Variants in UGT2B17 observed in about 807,000 individuals in gnomAD.
UGT2B17 encodes UDP-glucuronosyltransferase 2B17.
UGT2B17 carries 21 observed loss-of-function variants against 48.2 expected under a neutral mutation model. The ratio of observed to expected loss-of-function variants is 0.44; its 90% confidence interval spans 0.31 to 0.63. The LOEUF (loss-of-function observed/expected upper bound fraction) is 0.63, where lower values mean the gene tolerates loss of function less well. UGT2B17 is among the 20% of genes least tolerant of loss of function. The pLI is 0.08. For synonymous variants in UGT2B17, 146 were observed against 238.4 expected (o/e 0.61, Z 3.57); for missense variants, 402 against 696.1 (o/e 0.58, Z 4.75).
In UGT2B17 at chr4:68,542,465, C is replaced by T. The variant is rs531867948; in HGVS notation, c.1314-4561G>A. Among the ~76,000 whole-genome samples, 2 of 126,026 alleles carry T rather than the reference C, an allele frequency of 1.6e-5. 1 individual carries two copies. The highest frequency in any genetic ancestry group is 1.6e-4 in the Admixed American group (2 of 12,328). The allele number at this position is 126,026 out of a possible 152,430, so 82.7% of individuals were successfully genotyped here. On this transcript the variant is annotated intron_variant, in intron 6 of 6. Transcript: ENST00000317746. ...ATATATAAATTACTGTGGGAAGAAG[C>T]CAAGATGGCCGAATAAGAACAGCTC... is the stretch of plus-strand genomic sequence containing the variant.
intron 6 of UGT2B17, among the ~76,000 whole-genome samples, chr4:68,540,242 T>C (rs1232822310): frequency 7.8e-6 from 1 of 127,524 alleles, no homozygotes; most frequent in African/African-American, 2.7e-5. Context: ...AAATGTTTTA[T>C]CTCCTTAAAT....
At position 68,561,062 on chromosome 4, in the gene UGT2B17, A is replaced by G. The variant is rs1337948354; in HGVS notation, c.874-394T>C. 1.6e-5 allele frequency among the ~76,000 whole-genome samples: 2 copies of G among 123,988 alleles called. 1 individual carries two copies. Among genetic ancestry groups the G allele is most frequent in the Non-Finnish European group, 3.4e-5 (2 of 58,986 alleles). 81.3% of individuals were successfully genotyped at this position (123,988 alleles called of 152,430 possible). On this transcript the variant is annotated intron_variant, in intron 3 of 6. Coordinates refer to ENST00000317746, the MANE Select transcript of UGT2B17 (RefSeq NM_001077.4). ...CTATTTTTTTTTGTAGTTCTACTAA[A>G]TCTCTTGTGTTTATTTGGGGTCATT...
intron 3 of UGT2B17, among the ~76,000 whole-genome samples, chr4:68,564,187 T>G (rs1731152304): frequency 8.2e-6 from 1 of 122,006 alleles, no homozygotes; most frequent in African/African-American, 2.8e-5. Context: ...ATTGGGATTT[T>G]TTTTGAAAGG....
intron 4 of UGT2B17, among the ~76,000 whole-genome samples, chr4:68,558,890 C>A (rs1261893017): frequency 8.0e-6 from 1 of 125,654 alleles, no homozygotes; most frequent in African/African-American, 2.7e-5. Context: ...AGAGCCTAAT[C>A]AGAAGCTCAA....
chr4:68,562,395 G>A lies in UGT2B17; in HGVS notation c.874-1727C>T, dbSNP rs189296362. On this transcript the variant is annotated intron_variant, in intron 3 of 6. Transcript: ENST00000317746. Reference sequence around the variant, plus strand: ...CCCAAAGTGGTGGGATTACAGGCTTGAGCCACTGTGCCCGGTCTGATATCA... The same window carrying A: ...CCCAAAGTGGTGGGATTACAGGCTTAAGCCACTGTGCCCGGTCTGATATCA... Among the ~76,000 whole-genome samples, 13 of 126,368 alleles carry A rather than the reference G, an allele frequency of 1.0e-4. 6 individuals are homozygous for A. In the East Asian group the frequency reaches 9.8e-3, roughly 95 times the overall value. 82.9% of individuals were successfully genotyped at this position (126,368 alleles called of 152,430 possible).
Position 68,561,765 on chromosome 4 carries a change from T to A in UGT2B17, c.874-1097A>T, listed in dbSNP as rs1360368294. On this transcript the variant is annotated intron_variant, in intron 3 of 6. Coordinates refer to ENST00000317746, the MANE Select transcript of UGT2B17 (RefSeq NM_001077.4). ...CTTAAATCCATTCTCTAATGCCACA[T>A]CAGTCAATGTATTCTCACACCAAAA... Among the ~76,000 whole-genome samples, 4 of 105,060 alleles carry A rather than the reference T, an allele frequency of 3.8e-5. 1 individual carries two copies. The highest frequency in any genetic ancestry group is 1.1e-4 in the Admixed American group (1 of 9,398). 68.9% of individuals were successfully genotyped at this position (105,060 alleles called of 152,430 possible).
chr4:68,550,491 T>A (rs1301613870), intron 6 of UGT2B17, among the ~76,000 whole-genome samples, 186 bp downstream of exon 6: 2 of 125,416 alleles, frequency 1.6e-5, no homozygotes, highest in Non-Finnish European at 3.4e-5. Flanking sequence ...TGGTGACCCA[T>A]TAAATCTGTG....
intron 6 of UGT2B17, 50 bp downstream of exon 6, chr4:68,550,627 T>A: frequency 2.3e-6 from 3 of 1,302,420 alleles, no homozygotes; most frequent in Non-Finnish European, 2.0e-6. Flanking sequence ...TATTCACTGT[T>A]GACAAAATAA....
Position 68,568,192 on chromosome 4 carries a change from G to A in UGT2B17, c.293C>T (p.Thr98Ile), listed in dbSNP as rs2109777982. The change falls in exon 2 of 7, where the codon ACA becomes ATA. Residue 98 changes from threonine to isoleucine, a missense_variant. Around this residue, in one of 5 missense-constraint regions of UGT2B17, gnomAD observed 84 missense variants for 92.6 expected, o/e 0.91. Coordinates refer to ENST00000317746, the MANE Select transcript of UGT2B17 (RefSeq NM_001077.4). ...DFFMKMFDRW[T>I]YSISKNTFWS... ...AAATGTATTTTTTGAAATACTATAT[G>A]TCCATCTATCGAACATTTTCATAAA... 9 of 1,375,768 alleles carry A rather than the reference G, an allele frequency of 6.5e-6. 2 individuals carry two copies. The highest frequency in any genetic ancestry group is 6.7e-6 in the Non-Finnish European group (7 of 1,052,320). 85.2% of individuals were successfully genotyped at this position (1,375,768 alleles called of 1,614,324 possible). A position where few individuals can be genotyped will look rare whatever the true frequency, so the allele number is the denominator to read the frequency against.
intron 6 of UGT2B17, among the ~76,000 whole-genome samples, chr4:68,544,026 G>C (rs1314205803): frequency 1.6e-5 from 2 of 126,522 alleles, no homozygotes; most frequent in African/African-American, 5.4e-5. Context: ...TCATCCAGGA[G>C]AGCTTCCCCA....
intron 6 of UGT2B17, among the ~76,000 whole-genome samples, chr4:68,540,691 G>A (rs1484590241): frequency 1.6e-5 from 2 of 126,098 alleles, no homozygotes; most frequent in African/African-American, 2.7e-5. Context: ...GTGTGGGTTT[G>A]TTACATAGGT....
Position 68,546,223 on chromosome 4 carries a change from C to T in UGT2B17, c.1313+4454G>A. On this transcript the variant is annotated intron_variant, in intron 6 of 6. Coordinates refer to ENST00000317746, the MANE Select transcript of UGT2B17 (RefSeq NM_001077.4). ...CCAGCAGCACATCAAAAAGCTTATC[C>T]ACCTTGACCAAGTGGGCTTCATCCC... Among the ~76,000 whole-genome samples the T allele has an allele frequency of 1.6e-5, 2 of 125,518 alleles. 1 individual carries two copies. The highest frequency in any genetic ancestry group is 3.4e-5 in the Non-Finnish European group (2 of 59,364). 82.3% of individuals were successfully genotyped at this position (125,518 alleles called of 152,430 possible). A position where few individuals can be genotyped will look rare whatever the true frequency, so the allele number is the denominator to read the frequency against.
chr4:68,564,744 AG>A (rs1379359717), intron 3 of UGT2B17, among the ~76,000 whole-genome samples: 6 of 125,842 alleles, frequency 4.8e-5, no homozygotes, highest in Admixed American at 3.3e-4. Flanking sequence ...TCCGTCGCAC[AG>A]GCTAGAGTTC....
chr4:68,540,985 T>A (rs1730644505), intron 6 of UGT2B17, among the ~76,000 whole-genome samples: 1 of 126,074 alleles, frequency 7.9e-6, no homozygotes. Context: ...TCATTCCTTT[T>A]TATGGCACAT....
chr4:68,567,084 T>C (rs1731214007), intron 2 of UGT2B17, among the ~76,000 whole-genome samples: 1 of 126,230 alleles, frequency 7.9e-6, no homozygotes, highest in African/African-American at 2.7e-5. Flanking sequence ...TAGAGATATG[T>C]GCTCTTCCTT....
In UGT2B17 at chr4:68,548,044, A is replaced by C. The variant is rs1211598050; in HGVS notation, c.1313+2633T>G. On this transcript the variant is annotated intron_variant, in intron 6 of 6. Coordinates refer to ENST00000317746, the MANE Select transcript of UGT2B17 (RefSeq NM_001077.4). ...GATTCCTCAGGGATCTAGAACTAGA[A>C]ATATCATTTATCTAGCATTCCCATT... 3.2e-5 allele frequency among the ~76,000 whole-genome samples: 4 copies of C among 126,932 alleles called. 1 individual carries two copies. The highest frequency in any genetic ancestry group is 6.7e-5 in the Non-Finnish European group (4 of 59,744). The allele number at this position is 126,932 out of a possible 152,430, so 83.3% of individuals were successfully genotyped here. A position where few individuals can be genotyped will look rare whatever the true frequency, so the allele number is the denominator to read the frequency against.
Position 68,537,632 on chromosome 4 carries a change from C to T in UGT2B17, c.1586G>A (p.Arg529Lys). 7.3e-7 allele frequency: 1 copy of T among 1,369,156 alleles called. No individual in the cohort carries two copies. Among genetic ancestry groups the T allele is most frequent in the Non-Finnish European group, 9.5e-7 (1 of 1,048,898 alleles). The allele number at this position is 1,369,156 out of a possible 1,614,324, so 84.8% of individuals were successfully genotyped here. A position where few individuals can be genotyped will look rare whatever the true frequency, so the allele number is the denominator to read the frequency against. ...TTCAGGCTTTTGATATAACTAATCC[C>T]TTTTCTTCTTCTTTCCTGTTTTGGC... ...KLAKTGKKKK[R>K]D The change falls in exon 7 of 7, where the codon AGG becomes AAG. Residue 529 changes from arginine to lysine, a missense_variant. By Grantham distance (26) the Arg-to-Lys change is conservative. Around this residue, in one of 5 missense-constraint regions of UGT2B17, gnomAD observed 156 missense variants for 258.6 expected, o/e 0.60. Coordinates refer to ENST00000317746, the MANE Select transcript of UGT2B17 (RefSeq NM_001077.4).
rs1338269436 is a variant in UGT2B17, at chr4:68,559,831, C to T, written c.1005+706G>A. Among the ~76,000 whole-genome samples the T allele has an allele frequency of 1.6e-5, 2 of 125,794 alleles. 1 individual carries two copies. Among genetic ancestry groups the T allele is most frequent in the Admixed American group, 1.6e-4 (2 of 12,328 alleles). 82.5% of individuals were successfully genotyped at this position (125,794 alleles called of 152,430 possible). On this transcript the variant is annotated intron_variant, in intron 4 of 6. Transcript: ENST00000317746. ...GGCCACATTTAATAATGCACATAGT[C>T]TACCCTAAAAGCAGGATTCTATCTC...
At chr4:68,548,088 G>A (rs1166704043) in intron 6 of UGT2B17, among the ~76,000 whole-genome samples, 1 of 126,812 alleles carries the variant, frequency 7.9e-6, no homozygotes, top group Non-Finnish European at 1.7e-5. Flanking sequence ...TATACCCAAA[G>A]GGTTATAAAT....
Sources: gnomAD v4.1 joint callset for allele counts (sites outside exome capture counted in the v4.1 genomes callset) on GRCh38, gnomAD v4.1.1 for gene constraint, gnomAD v4.1.1 regional missense constraint, MANE v1.5 for transcripts, NCBI Gene and HGNC (gene_info 2026-07-23, HGNC 2026-07-21) for gene names.